The following PLCH1 variants were observed in gnomAD, a reference collection of about 807,000 sequenced individuals.
PLCH1 encodes phospholipase C eta 1, also known as 1-phosphatidylinositol 4,5-bisphosphate phosphodiesterase eta-1.
A neutral mutation model predicts 126.7 loss-of-function variants in PLCH1; 60 were observed. The observed-to-expected ratio is 0.47, with a 90% CI of 0.38 to 0.59. The LOEUF is 0.59. PLCH1 is among the 20% of genes least tolerant of loss of function. The pLI is 0.00. For missense variants in PLCH1, 1,723 were observed against 2,040.0 expected, an observed-to-expected ratio of 0.84 and a Z score of 2.99; for synonymous variants, 719 against 734.9, an observed-to-expected ratio of 0.98 and a Z score of 0.35.
intron 2 of PLCH1, among the ~76,000 whole-genome samples, chr3:155,665,556 C>T (rs1449311310): frequency 3.9e-5 from 6 of 152,078 alleles, no homozygotes; most frequent in African/African-American, 7.2e-5. Flanking sequence ...GCCAACACTG[C>T]GGTAAAAGGA....
chr3:155,711,808 G>A (rs908605109), intron 1 of PLCH1, among the ~76,000 whole-genome samples: 2 of 152,066 alleles, frequency 1.3e-5, no homozygotes, highest in African/African-American at 4.8e-5. Flanking sequence ...ATTTCTGTTT[G>A]AACTCTTGGG....
intron 6 of PLCH1, among the ~76,000 whole-genome samples, chr3:155,576,104 C>T (rs936477569): frequency 1.3e-5 from 2 of 151,930 alleles, no homozygotes; most frequent in Non-Finnish European, 2.9e-5. Context: ...CACTCCAGAA[C>T]CAAAACACTA....
At chr3:155,700,642 C>T (rs1242323557) in intron 2 of PLCH1, among the ~76,000 whole-genome samples, 3 of 152,110 alleles carry the variant, frequency 2.0e-5, no homozygotes, top group Non-Finnish European at 4.4e-5. Context: ...AACATTAAGT[C>T]ACTTAGTAAG....
chr3:155,556,920 G>A (rs868648865), intron 8 of PLCH1, among the ~76,000 whole-genome samples: 10 of 152,014 alleles, frequency 6.6e-5, no homozygotes, highest in Admixed American at 3.9e-4. Flanking sequence ...GCAGAACCCC[G>A]ACTAATACAG....
chr3:155,463,704 T>C (rs913775192), intron 21 of PLCH1, among the ~76,000 whole-genome samples: 3 of 152,134 alleles, frequency 2.0e-5, no homozygotes, highest in Admixed American at 6.5e-5. Context: ...CAGTTACTCT[T>C]ACACATGGCA....
At chr3:155,561,222 G>A (rs189050481) in intron 8 of PLCH1, among the ~76,000 whole-genome samples, 4,208 of 150,786 alleles carry the variant, frequency 0.028, 67 homozygotes, top group African/African-American at 0.046. Context: ...ATGCTGGTGC[G>A]CTGCACCCAC....
chr3:155,462,597 A>C (rs1039507841), intron 21 of PLCH1, among the ~76,000 whole-genome samples: 1 of 152,190 alleles, frequency 6.6e-6, no homozygotes, highest in African/African-American at 2.4e-5. Context: ...GGTATATACT[A>C]ATATGCAAGA....
chr3:155,725,417 C>T (rs1447036717), intron 1 of PLCH1, among the ~76,000 whole-genome samples: 2 of 149,158 alleles, frequency 1.3e-5, no homozygotes, highest in African/African-American at 2.5e-5. Flanking sequence ...TATTATTTTA[C>T]TTTTAAACAT....
At chr3:155,616,645 T>C (rs1408876166) in intron 2 of PLCH1, among the ~76,000 whole-genome samples, 1 of 152,196 alleles carries the variant, frequency 6.6e-6, no homozygotes, top group African/African-American at 2.4e-5. Flanking sequence ...TTGGTTTACC[T>C]TTGATCAAGA....
At chr3:155,717,938 T>C (rs1284414231) in intron 1 of PLCH1, among the ~76,000 whole-genome samples, 1 of 152,202 alleles carries the variant, frequency 6.6e-6, no homozygotes, top group Non-Finnish European at 1.5e-5. Context: ...TTTTCCACAC[T>C]CTTAAGCTCT....
At chr3:155,614,313 A>T (rs1015755211) in intron 2 of PLCH1, among the ~76,000 whole-genome samples, 4 of 152,320 alleles carry the variant, frequency 2.6e-5, no homozygotes, top group African/African-American at 9.6e-5. Context: ...ACTCATATGG[A>T]ACCAAAAAAG....
At chr3:155,494,075 GT>G (rs1216515547) in intron 17 of PLCH1, 65 bp downstream of exon 17, 1 of 1,233,034 alleles carries the variant, frequency 8.1e-7, no homozygotes, top group Non-Finnish European at 1.2e-6. Flanking sequence ...CTTAATAAAG[GT>G]TGCCTGCATT....
intron 1 of PLCH1, among the ~76,000 whole-genome samples, chr3:155,729,605 T>A (rs528669722): frequency 6.6e-6 from 1 of 152,274 alleles, no homozygotes; most frequent in East Asian, 1.9e-4. Flanking sequence ...GCTATCTAAA[T>A]ATAATGTGAT....
intron 2 of PLCH1, among the ~76,000 whole-genome samples, chr3:155,668,968 T>C (rs1743091032): frequency 6.6e-6 from 1 of 152,172 alleles, no homozygotes; most frequent in African/African-American, 2.4e-5. Flanking sequence ...TATTCTTCCT[T>C]TGTCCCCTTG....
chr3:155,745,062 T>A lies in PLCH1; in HGVS notation c.-263A>T, dbSNP rs1749889944. 1 of 152,638 alleles carries A rather than the reference T, an allele frequency of 6.6e-6. No homozygotes were observed. The highest frequency in any genetic ancestry group is 2.4e-5 in the African/African-American group (1 of 41,444). 9.5% of individuals were successfully genotyped at this position (152,638 alleles called of 1,614,324 possible). The stretch of plus-strand genomic sequence containing the variant: ...GCAGGGCGCCGCCGCCACAACCTGC[T>A]TTCTCATTCAAATCCTCACGCTCAC... On this transcript the variant is annotated 5_prime_UTR_variant, in exon 1 of 23. In the 5' UTR this introduces an upstream ATG that the reference lacks. Coordinates refer to ENST00000460012, the MANE Select transcript of PLCH1 (RefSeq NM_014996.4).
chr3:155,537,202 C>CAAAAAAAA (rs535908017), intron 10 of PLCH1, among the ~76,000 whole-genome samples: 58 of 10,374 alleles, frequency 5.6e-3, no homozygotes, highest in East Asian at 0.014. Flanking sequence ...AAAAAAAAAC[C>CAAAAAAAA]AAAAAAAAAA....
chr3:155,718,529 T>C (rs931200117), intron 1 of PLCH1, among the ~76,000 whole-genome samples: 4 of 152,182 alleles, frequency 2.6e-5, no homozygotes, highest in Non-Finnish European at 5.9e-5. Flanking sequence ...CTGAAGGATG[T>C]ACAGGAAGCA....
intron 2 of PLCH1, among the ~76,000 whole-genome samples, chr3:155,661,623 A>G (rs1742157387): frequency 6.6e-6 from 1 of 152,116 alleles, no homozygotes; most frequent in Admixed American, 6.6e-5. Flanking sequence ...TAAAATAAAC[A>G]CATCTCCAGA....
intron 2 of PLCH1, among the ~76,000 whole-genome samples, chr3:155,697,171 A>G (rs1022662839): frequency 2.0e-5 from 3 of 152,216 alleles, no homozygotes; most frequent in Non-Finnish European, 2.9e-5. Context: ...GGATTTTTAT[A>G]CATACAGATC....
Sources: allele counts gnomAD v4.1 joint callset (sites outside exome capture counted in the v4.1 genomes callset), GRCh38; gene constraint gnomAD v4.1.1; transcripts MANE v1.5; gene names NCBI Gene and HGNC (gene_info 2026-07-23, HGNC 2026-07-21).